The following GPC6 variants were observed in gnomAD, a reference collection of about 807,000 sequenced individuals.
The protein encoded by GPC6 is glypican 6, also known as glypican-6.
GPC6 carries 14 observed loss-of-function variants against 55.2 expected under a neutral mutation model. The observed-to-expected ratio is 0.25, with a 90% confidence interval of 0.17 to 0.40. The LOEUF is 0.40. Ranked by LOEUF, GPC6 falls within the 10% of genes least tolerant of loss-of-function variation. GPC6 has a pLI of 1.00. For missense variants in GPC6, 641 were observed against 708.5 expected (o/e 0.90, Z 1.08); for synonymous variants, 278 against 259.6 (o/e 1.07, Z -0.68).
At chr13:93,387,314 C>A (rs541479674) in intron 1 of GPC6, among the ~76,000 whole-genome samples, 94 of 152,210 alleles carry the variant, frequency 6.2e-4, no homozygotes, top group Non-Finnish European at 1.2e-3. Context: ...TACTAATGCT[C>A]TTCCTCCCCT....
At chr13:93,675,716 C>G (rs1244796665) in intron 2 of GPC6, among the ~76,000 whole-genome samples, 1 of 152,092 alleles carries the variant, frequency 6.6e-6, no homozygotes, top group Non-Finnish European at 1.5e-5. Context: ...AACCCTCAGA[C>G]TATTTTAACC....
intron 7 of GPC6, among the ~76,000 whole-genome samples, chr13:94,386,846 A>G (rs1447441220): frequency 6.6e-6 from 1 of 152,090 alleles, no homozygotes. Context: ...CTAAGTGTTT[A>G]ATCAGGCTTG....
At chr13:93,663,360 G>T (rs1451208387) in intron 2 of GPC6, among the ~76,000 whole-genome samples, 4 of 152,114 alleles carry the variant, frequency 2.6e-5, no homozygotes, top group Non-Finnish European at 1.5e-5. Context: ...TCAAGTTGAT[G>T]TTCATATATG....
At chr13:93,630,950 G>A (rs1046782877) in intron 2 of GPC6, among the ~76,000 whole-genome samples, 3 of 152,038 alleles carry the variant, frequency 2.0e-5, no homozygotes, top group Non-Finnish European at 2.9e-5. Context: ...GGTCATTAGA[G>A]TGGGCCCTAA....
At chr13:94,307,618 C>T (rs767456484) in intron 6 of GPC6, among the ~76,000 whole-genome samples, 3 of 152,196 alleles carry the variant, frequency 2.0e-5, no homozygotes, top group Non-Finnish European at 2.9e-5. Flanking sequence ...CAGCGGCTTA[C>T]ATCTATTCTC....
At chr13:94,084,731 A>G (rs1885221657) in intron 4 of GPC6, among the ~76,000 whole-genome samples, 1 of 152,184 alleles carries the variant, frequency 6.6e-6, no homozygotes, top group Admixed American at 6.5e-5. Flanking sequence ...GAGTTTAGTT[A>G]ACTTGCTCAA....
At chr13:93,567,407 T>G (rs1566427668) in intron 2 of GPC6, among the ~76,000 whole-genome samples, 2 of 152,236 alleles carry the variant, frequency 1.3e-5, no homozygotes, top group African/African-American at 2.4e-5. Context: ...TAAAAATTTT[T>G]AAATACATTT....
intron 2 of GPC6, among the ~76,000 whole-genome samples, chr13:93,771,724 AT>A (rs61398627): frequency 0.39 from 57,893 of 148,920 alleles, 11,377 homozygotes; most frequent in Middle Eastern, 0.54. Context: ...AAGTATAATA[AT>A]AATAAAAAAA....
chr13:93,580,548 T>G (rs1451061296), intron 2 of GPC6, among the ~76,000 whole-genome samples: 1 of 152,200 alleles, frequency 6.6e-6, no homozygotes, highest in Non-Finnish European at 1.5e-5. Flanking sequence ...AGATACTTAT[T>G]GAGCACCTAT....
intron 4 of GPC6, among the ~76,000 whole-genome samples, chr13:94,173,920 G>T (rs553873972): frequency 6.6e-6 from 1 of 152,180 alleles, no homozygotes; most frequent in Non-Finnish European, 1.5e-5. Context: ...ATTGCAAAGT[G>T]CTCAGGAATT....
At chr13:93,489,326 C>A (rs565359126) in intron 1 of GPC6, among the ~76,000 whole-genome samples, 1 of 151,522 alleles carries the variant, frequency 6.6e-6, no homozygotes, top group Non-Finnish European at 1.5e-5. Flanking sequence ...TTCCACTGGT[C>A]TATATCTCTG....
At chr13:93,332,372 A>T (rs1879885356) in intron 1 of GPC6, among the ~76,000 whole-genome samples, 1 of 148,506 alleles carries the variant, frequency 6.7e-6, no homozygotes, top group Admixed American at 6.9e-5. Context: ...CTCCCTTGCC[A>T]GTGTTTATCT....
intron 1 of GPC6, among the ~76,000 whole-genome samples, chr13:93,490,370 A>G (rs2139355274): frequency 6.6e-6 from 1 of 151,182 alleles, no homozygotes; most frequent in Non-Finnish European, 1.5e-5. Flanking sequence ...ACAAGTTAAT[A>G]AAAATAAAAT....
intron 4 of GPC6, among the ~76,000 whole-genome samples, chr13:94,275,169 G>A (rs149524813): frequency 6.6e-6 from 1 of 152,268 alleles, no homozygotes; most frequent in African/African-American, 2.4e-5. Flanking sequence ...TGGAAATACA[G>A]CAGTAACCAA....
chr13:94,160,677 G>T (rs978753304), intron 4 of GPC6, among the ~76,000 whole-genome samples: 1 of 152,066 alleles, frequency 6.6e-6, no homozygotes, highest in Non-Finnish European at 1.5e-5. Context: ...CCTTTTTTTG[G>T]TGAAATCTTC....
At position 94,347,313 on chromosome 13, in the gene GPC6, C is replaced by T. The variant is rs137912563; in HGVS notation, c.1153-35101C>T. ...TTTTGATTGGAAATAAATTAAGTGA[C>T]AAAGTCCAAAACCTCTGCAACTTCT... On this transcript the variant is annotated intron_variant, in intron 6 of 8. Transcript: ENST00000377047. 2.3e-3 allele frequency among the ~76,000 whole-genome samples: 355 copies of T among 152,198 alleles called. 2 individuals carry two copies. The highest frequency in any genetic ancestry group is 8.1e-3 in the African/African-American group (338 of 41,534).
intron 3 of GPC6, among the ~76,000 whole-genome samples, chr13:93,887,490 T>C (rs1400256016): frequency 6.6e-6 from 1 of 152,150 alleles, no homozygotes; most frequent in East Asian, 1.9e-4. Flanking sequence ...GAATTTGAGA[T>C]GATTCTGTCT....
At chr13:94,234,084 G>A (rs2015132225) in intron 4 of GPC6, among the ~76,000 whole-genome samples, 1 of 152,024 alleles carries the variant, frequency 6.6e-6, no homozygotes, top group South Asian at 2.1e-4. Context: ...TCAAAACCAT[G>A]GCCTACATAA....
At chr13:93,644,730 C>T (rs1465197765) in intron 2 of GPC6, among the ~76,000 whole-genome samples, 1 of 150,878 alleles carries the variant, frequency 6.6e-6, no homozygotes, top group Non-Finnish European at 1.5e-5. Flanking sequence ...TTTTTACTTC[C>T]CATATTGTCA....
Sources: gnomAD v4.1 joint callset for allele counts (sites outside exome capture counted in the v4.1 genomes callset) on GRCh38, gnomAD v4.1.1 for gene constraint, MANE v1.5 for transcripts, NCBI Gene and HGNC (gene_info 2026-07-23, HGNC 2026-07-21) for gene names.